Variants in MDFIC observed in about 807,000 individuals in gnomAD.
The protein encoded by MDFIC is myoD family inhibitor domain-containing protein.
In MDFIC, 17 loss-of-function variants were observed where a neutral mutation model predicts 23.2. That is an observed-to-expected ratio of 0.73 (90% confidence interval 0.50 to 1.10). The LOEUF is 1.10. Among genes scored for constraint, MDFIC ranks in the 50% least tolerant of loss-of-function variants. The pLI is 0.00. For synonymous variants in MDFIC, 120 were observed against 115.2 expected (o/e 1.04, Z -0.27); for missense variants, 356 against 316.6 (o/e 1.12, Z -0.95).
At chr7:115,009,473 T>G (rs370675869) in intron 4 of MDFIC, among the ~76,000 whole-genome samples, 1 of 152,246 alleles carries the variant, frequency 6.6e-6, no homozygotes, top group Non-Finnish European at 1.5e-5. Context: ...TAAACTGCAT[T>G]CCTCATATTC....
intron 4 of MDFIC, among the ~76,000 whole-genome samples, chr7:114,998,225 A>G (rs1332654422): frequency 6.6e-6 from 1 of 152,178 alleles, no homozygotes; most frequent in Admixed American, 6.5e-5. Context: ...TGTAGTTTAT[A>G]AAGGGTATAC....
At position 115,016,102 on chromosome 7, in the gene MDFIC, G is replaced by A; in HGVS notation, c.*167G>A. 1.6e-6 allele frequency: 1 copy of A among 633,282 alleles called. No homozygotes were observed. The highest frequency in any genetic ancestry group is 2.6e-6 in the Non-Finnish European group (1 of 382,324). The allele number at this position is 633,282 out of a possible 1,614,324, so 39.2% of individuals were successfully genotyped here. A position where few individuals can be genotyped will look rare whatever the true frequency, so the allele number is the denominator to read the frequency against. On this transcript the variant is annotated 3_prime_UTR_variant, in exon 5 of 5. Transcript: ENST00000393486. Reference sequence around the variant, plus strand: ...CTTTTTACTTTAACCAAATCTACATGGTTTAATATGTGAAATTTTAACTAC... The same window carrying A: ...CTTTTTACTTTAACCAAATCTACATAGTTTAATATGTGAAATTTTAACTAC...
chr7:114,940,195 A>G (rs1338866589), intron 2 of MDFIC, among the ~76,000 whole-genome samples: 1 of 152,234 alleles, frequency 6.6e-6, no homozygotes, highest in East Asian at 1.9e-4. Context: ...TGCTATTTGA[A>G]TATGGTTTTG....
At chr7:114,970,294 A>C (rs1420896722) in intron 3 of MDFIC, among the ~76,000 whole-genome samples, 1 of 152,276 alleles carries the variant, frequency 6.6e-6, no homozygotes, top group East Asian at 1.9e-4. Context: ...TTGGATTCAG[A>C]TTCCCTTAGG....
chr7:115,009,380 T>A (rs1028169738), intron 4 of MDFIC, among the ~76,000 whole-genome samples: 5 of 152,178 alleles, frequency 3.3e-5, no homozygotes, highest in African/African-American at 1.2e-4. Context: ...ATGAAAGAGA[T>A]AAAAGAGGCT....
At chr7:114,940,861 C>T (rs1184540538) in intron 2 of MDFIC, among the ~76,000 whole-genome samples, 2 of 152,134 alleles carry the variant, frequency 1.3e-5, no homozygotes, top group Non-Finnish European at 1.5e-5. Flanking sequence ...CATATCCAAC[C>T]CCATCTTCCT....
At chr7:114,951,664 T>A (rs531053954) in intron 3 of MDFIC, among the ~76,000 whole-genome samples, 2 of 152,134 alleles carry the variant, frequency 1.3e-5, no homozygotes, top group Admixed American at 6.5e-5. Flanking sequence ...TTCTGTGTTT[T>A]TTTTTCCCAT....
intron 3 of MDFIC, among the ~76,000 whole-genome samples, chr7:114,956,561 A>G (rs1792889409): frequency 6.6e-6 from 1 of 152,132 alleles, no homozygotes; most frequent in African/African-American, 2.4e-5. Flanking sequence ...GCAGCAAGAC[A>G]AAATCTTGAT....
In MDFIC at chr7:115,015,719, G is replaced by A. The variant is rs771043772; in HGVS notation, c.525G>A (p.Leu175=). Residue 175 remains leucine, a synonymous_variant, in exon 5 of 5, where the codon TTG becomes TTA. Transcript: ENST00000393486. The stretch of plus-strand genomic sequence containing the variant: ...GTGTCCACTGTATCCTGGCTTGCTT[G>A]TTCTGCGAATTCCTGACCCTTTGCA... ...DCCVHCILAC[L]FCEFLTLCNI... 5 of 1,614,082 alleles carry A rather than the reference G, an allele frequency of 3.1e-6. No homozygotes were observed. The South Asian group carries it at 3.3e-5, about 11-fold the overall frequency.
chr7:114,946,154 A>G (rs1482759570), intron 3 of MDFIC, among the ~76,000 whole-genome samples: 1 of 152,178 alleles, frequency 6.6e-6, no homozygotes, highest in East Asian at 1.9e-4. Context: ...ATTAGACAAG[A>G]AAAGGAACAG....
chr7:114,954,214 C>G (rs1792838341), intron 3 of MDFIC, among the ~76,000 whole-genome samples: 1 of 152,194 alleles, frequency 6.6e-6, no homozygotes, highest in Non-Finnish European at 1.5e-5. Flanking sequence ...ACCAGAAATT[C>G]ACATTCTCAT....
rs748842966 is a variant in MDFIC at position 114,922,472 on chromosome 7, G to T, written c.-272G>T. On this transcript the variant is annotated 5_prime_UTR_variant, in exon 1 of 5. Transcript: ENST00000393486. The stretch of plus-strand genomic sequence containing the variant: ...GCAGTTGCCGCCACTGCGGCGTCTG[G>T]GCTGAGCCGGAGGGAGGCGGGAGGA... The T allele has an allele frequency of 1.6e-6, 2 of 1,251,114 alleles. No individual in the cohort carries two copies. Among genetic ancestry groups the T allele is most frequent in the Non-Finnish European group, 2.0e-6 (2 of 991,804 alleles). 77.5% of individuals were successfully genotyped at this position (1,251,114 alleles called of 1,614,324 possible).
Position 114,943,758 on chromosome 7 carries a change from A to G in MDFIC, c.217+1361A>G, listed in dbSNP as rs371855739. 1.1e-4 allele frequency among the ~76,000 whole-genome samples: 16 copies of G among 152,224 alleles called. No homozygotes were observed. In the South Asian group the frequency reaches 1.9e-3, roughly 18 times the overall value. ...AGCAACCAGAGTTAGTGAGCACTAG[A>G]AGAAGTTCTAGAGACAATTTTACCT... On this transcript the variant is annotated intron_variant, in intron 3 of 4. Coordinates refer to ENST00000393486, the MANE Select transcript of MDFIC (RefSeq NM_001166345.3).
At chr7:115,008,181 C>T (rs1046453553) in intron 4 of MDFIC, among the ~76,000 whole-genome samples, 4 of 152,052 alleles carry the variant, frequency 2.6e-5, no homozygotes, top group South Asian at 2.1e-4. Flanking sequence ...GCTATCCTCT[C>T]GCTGTCATTT....
At chr7:114,956,107 T>C (rs1792877779) in intron 3 of MDFIC, among the ~76,000 whole-genome samples, 1 of 152,076 alleles carries the variant, frequency 6.6e-6, no homozygotes, top group Admixed American at 6.6e-5. Context: ...GTTAGAATCA[T>C]AGGAGAGGAG....
chr7:114,979,910 A>G (rs1446351036), intron 4 of MDFIC, 129 bp downstream of exon 4: 18 of 1,154,790 alleles, frequency 1.6e-5, no homozygotes, highest in Non-Finnish European at 2.0e-5. Context: ...TTTTGGTAAA[A>G]TGCAGATTAA....
At chr7:114,924,565 G>A (rs991820666) in intron 2 of MDFIC, among the ~76,000 whole-genome samples, 14 of 121,564 alleles carry the variant, frequency 1.2e-4, no homozygotes, top group African/African-American at 3.3e-4. Flanking sequence ...TTAAGAACCC[G>A]AAAATCTAGA....
intron 3 of MDFIC, among the ~76,000 whole-genome samples, chr7:114,954,274 C>T (rs993342886): frequency 1.2e-4 from 18 of 152,202 alleles, no homozygotes; most frequent in Admixed American, 5.9e-4. Flanking sequence ...CTGCTAATTA[C>T]GTTCTTTTCC....
chr7:114,981,094 C>T (rs912663504), intron 4 of MDFIC, among the ~76,000 whole-genome samples: 9 of 152,140 alleles, frequency 5.9e-5, no homozygotes, highest in African/African-American at 2.4e-5. Flanking sequence ...AACTGGCTCT[C>T]CAAGGAGTTG....
Sources: gnomAD v4.1 joint callset for allele counts (sites outside exome capture counted in the v4.1 genomes callset) on GRCh38, gnomAD v4.1.1 for gene constraint, MANE v1.5 for transcripts, NCBI Gene and HGNC (gene_info 2026-07-23, HGNC 2026-07-21) for gene names.